Variants in GSE1 observed in about 807,000 individuals in gnomAD.
GSE1 encodes the protein genetic suppressor element 1.
Under a neutral mutation model 112.6 loss-of-function variants are expected in GSE1, and 32 were observed. That is an observed-to-expected ratio of 0.28 (90% confidence interval 0.21 to 0.38). The LOEUF (loss-of-function observed/expected upper bound fraction) is 0.38. Among genes scored for constraint, GSE1 ranks in the 10% least tolerant of loss-of-function variants. GSE1 has a pLI of 1.00. For synonymous variants in GSE1, 1,115 were observed against 735.6 expected (o/e 1.52, Z -8.35); for missense variants, 2,348 against 1,699.2 (o/e 1.38, Z -6.71).
At chr16:85,652,546 G>C (rs1258071413) in intron 3 of GSE1, among the ~76,000 whole-genome samples, 4 of 50,556 alleles carry the variant, frequency 7.9e-5, no homozygotes, top group African/African-American at 3.2e-4. Context: ...GAAGATTCCA[G>C]GCGGCGGCGG....
At chr16:85,638,161 C>T (rs1057500059) in intron 2 of GSE1, among the ~76,000 whole-genome samples, 10 of 152,228 alleles carry the variant, frequency 6.6e-5, no homozygotes, top group Non-Finnish European at 1.2e-4. Context: ...ACTGCGATTG[C>T]CTCCGCGTCT....
At chr16:85,329,774 A>C (rs2046301057) in intron 1 of GSE1, among the ~76,000 whole-genome samples, 1 of 151,724 alleles carries the variant, frequency 6.6e-6, no homozygotes, top group Non-Finnish European at 1.5e-5. Flanking sequence ...ATTAGAGGGC[A>C]AGGAACTCAT....
rs2048785983 is a variant in GSE1 at position 85,419,723 on chromosome 16, G to A, written c.2464+62080G>A. ...GTGAATGCACGTTGGAATCAGCTGG[G>A]GATCTCTAAAAACCCCTCTGATGCC... On this transcript the variant is annotated intron_variant, in intron 2 of 2. Transcript: ENST00000637419. The surrounding 1 kb of genome is among the most constrained non-coding windows in gnomAD (Gnocchi z 6.5). Among the ~76,000 whole-genome samples the A allele has an allele frequency of 6.6e-6, 1 of 152,160 alleles. No individual in the cohort carries two copies. The highest frequency in any genetic ancestry group is 2.1e-4 in the South Asian group (1 of 4,828).
At chr16:85,444,955 G>A (rs2049472269) in intron 2 of GSE1, among the ~76,000 whole-genome samples, 1 of 152,242 alleles carries the variant, frequency 6.6e-6, no homozygotes. Flanking sequence ...CGTTGTCACA[G>A]GAGGCCCAGG....
At chr16:85,258,857 C>G (rs1057079207) in intron 1 of GSE1, among the ~76,000 whole-genome samples, 1 of 152,212 alleles carries the variant, frequency 6.6e-6, no homozygotes, top group Non-Finnish European at 1.5e-5. Flanking sequence ...GCCCTCTCCC[C>G]GTTGTTCTGC....
At chr16:85,510,342 G>C (rs2051694482) in intron 2 of GSE1, among the ~76,000 whole-genome samples, 1 of 152,170 alleles carries the variant, frequency 6.6e-6, no homozygotes, top group African/African-American at 2.4e-5. Flanking sequence ...TAATGGGGCT[G>C]TACTCCAGCA....
intron 2 of GSE1, among the ~76,000 whole-genome samples, chr16:85,511,783 C>T (rs1206841461): frequency 6.6e-6 from 1 of 152,068 alleles, no homozygotes; most frequent in Admixed American, 6.5e-5. Context: ...CCTGGAACTC[C>T]AGGAGCTGGA....
At chr16:85,383,585 C>A (rs962648199) in intron 2 of GSE1, among the ~76,000 whole-genome samples, 1 of 149,048 alleles carries the variant, frequency 6.7e-6, no homozygotes, top group Non-Finnish European at 1.5e-5. Flanking sequence ...GACACTCATA[C>A]TCCTCCTCCT....
At chr16:85,658,709 G>GGC (rs926397463) in intron 8 of GSE1, among the ~76,000 whole-genome samples, 4 of 152,208 alleles carry the variant, frequency 2.6e-5, no homozygotes, top group Non-Finnish European at 5.9e-5. Context: ...AGGCCTCTCA[G>GGC]GCTCAGCCTT....
At chr16:85,440,547 G>C (rs960679345) in intron 2 of GSE1, among the ~76,000 whole-genome samples, 3 of 152,222 alleles carry the variant, frequency 2.0e-5, no homozygotes, top group Admixed American at 2.0e-4. Context: ...CTCGGCTGCT[G>C]ATCTTCAGCC....
intron 2 of GSE1, among the ~76,000 whole-genome samples, chr16:85,421,103 A>G (rs889266315): frequency 6.6e-6 from 1 of 152,204 alleles, no homozygotes; most frequent in African/African-American, 2.4e-5. Context: ...TTTGGTGTTG[A>G]GCACAGAGCC....
intron 2 of GSE1, among the ~76,000 whole-genome samples, chr16:85,449,400 G>A (rs1300208690): frequency 6.6e-6 from 1 of 152,258 alleles, no homozygotes; most frequent in East Asian, 1.9e-4. Context: ...CCGGCAGCTG[G>A]GCCGAGGCCG....
In GSE1 at chr16:85,268,422, C is replaced by A. The variant is rs545870027; in HGVS notation, c.2284-89041C>A. On this transcript the variant is annotated intron_variant, in intron 1 of 2. Transcript: ENST00000637419. ...CTCTGCATCGTGCACTCAGGTCACT[C>A]CCCTTCCCCGTCTGGCCCCTGCCCC... Among the ~76,000 whole-genome samples the A allele has an allele frequency of 4.1e-3, 617 of 152,312 alleles. 3 individuals carry two copies. Among genetic ancestry groups the A allele is most frequent in the South Asian group, 5.0e-3 (24 of 4,830 alleles).
rs936315087 is a variant in GSE1, at chr16:85,673,120, G to T, written c.*581G>T. 1 of 152,216 alleles carries T rather than the reference G, an allele frequency of 6.6e-6. No individual in the cohort carries two copies. Among genetic ancestry groups the T allele is most frequent in the Non-Finnish European group, 1.5e-5 (1 of 68,042 alleles). 9.4% of individuals were successfully genotyped at this position (152,216 alleles called of 1,614,324 possible). ...TAGGAGCACACAAAGCAACCCAAAG[G>T]CTTTTCCCTGGAAAAGCTCTTTCTT... On this transcript the variant is annotated 3_prime_UTR_variant, in exon 16 of 16. Coordinates refer to ENST00000253458, the MANE Select transcript of GSE1 (RefSeq NM_014615.5).
chr16:85,442,319 C>T (rs573268529), intron 2 of GSE1, among the ~76,000 whole-genome samples: 8 of 152,286 alleles, frequency 5.3e-5, no homozygotes, highest in African/African-American at 1.4e-4. Flanking sequence ...GCTTGTTTAC[C>T]GTCCTGGCCC....
chr16:85,363,643 C>T (rs947160503), intron 2 of GSE1, among the ~76,000 whole-genome samples: 3 of 152,338 alleles, frequency 2.0e-5, no homozygotes, highest in East Asian at 1.9e-4. Context: ...GCTGTTTTCC[C>T]ACCAGAGGGT....
intron 2 of GSE1, among the ~76,000 whole-genome samples, chr16:85,365,054 C>G (rs1297086307): frequency 6.6e-6 from 1 of 152,208 alleles, no homozygotes; most frequent in East Asian, 1.9e-4. Context: ...GCTGGGAGCT[C>G]TCATCTTTGG....
intron 1 of GSE1, among the ~76,000 whole-genome samples, chr16:85,238,406 AG>A (rs753963692): frequency 2.0e-5 from 3 of 152,206 alleles, no homozygotes; most frequent in Non-Finnish European, 4.4e-5. Context: ...GCACCCCTGC[AG>A]CGGTAGCCTG....
intron 1 of GSE1, among the ~76,000 whole-genome samples, chr16:85,304,584 A>G (rs943013632): frequency 2.9e-5 from 3 of 103,478 alleles, no homozygotes; most frequent in Non-Finnish European, 5.3e-5. Flanking sequence ...GCTGCATGGC[A>G]GCTGCCAAGC....
Sources: gnomAD v4.1 joint callset for allele counts (sites outside exome capture counted in the v4.1 genomes callset) on GRCh38, gnomAD v4.1.1 for gene constraint, Gnocchi (gnomAD v3.1) non-coding constraint, MANE v1.5 for transcripts, NCBI Gene and HGNC (gene_info 2026-07-23, HGNC 2026-07-21) for gene names.